MYL6B: variants seen among roughly 807,000 people sequenced by gnomAD.
MYL6B encodes myosin alkali light chain 1 slow a.
MYL6B carries 19 observed loss-of-function variants against 24.5 expected under a neutral mutation model. The ratio of observed to expected loss-of-function variants is 0.78; its 90% CI spans 0.54 to 1.14. MYL6B has a LOEUF of 1.14. Ranked by LOEUF, MYL6B falls within the 50% of genes most tolerant of loss-of-function variation. MYL6B has a pLI of 0.00. For synonymous variants in MYL6B, 90 were observed against 100.7 expected (o/e 0.89, Z 0.64); for missense variants, 230 against 263.8 (o/e 0.87, Z 0.89).
At position 56,155,325 on chromosome 12, in the gene MYL6B, ATG is replaced by A. The variant is rs1357454276; in HGVS notation, c.347-93_347-92del. 5.7e-6 allele frequency: 9 copies of A among 1,585,564 alleles called. No individual in the cohort carries two copies. In the African/African-American group the frequency reaches 1.2e-4, roughly 21 times the overall value. Reference sequence around the variant, plus strand: ...ACACAGAAGCAGGAAAATATCCTAAATGCTGAATAGGATGAAAGCATTGTGGT... The same window carrying A: ...ACACAGAAGCAGGAAAATATCCTAAACTGAATAGGATGAAAGCATTGTGGT... On this transcript the variant is annotated intron_variant, in intron 4 of 6. Transcript: ENST00000553066.
At chr12:56,153,771 G>C in intron 1 of MYL6B, 102 bp from the exon 2 acceptor site, 2 of 787,422 alleles carry the variant, frequency 2.5e-6, no homozygotes, top group African/African-American at 1.8e-5. Context: ...AGTGAGGGCA[G>C]GCGGTTATAT....
chr12:56,154,510 C>G (rs1385136344), intron 2 of MYL6B, among the ~76,000 whole-genome samples: 2 of 152,156 alleles, frequency 1.3e-5, no homozygotes, highest in African/African-American at 4.8e-5. Context: ...CAGCTGGGGG[C>G]CAGGGGTAAA....
chr12:56,155,476 C>T (rs1871272477), exon 5 of MYL6B: 2 of 1,614,090 alleles, frequency 1.2e-6, no homozygotes, highest in East Asian at 4.5e-5. Flanking sequence ...CAGGCAGTGG[C>T]CAAGAACCGA....
chr12:56,157,811 A>T, exon 7 of MYL6B: 1 of 1,530,810 alleles, frequency 6.5e-7, no homozygotes, highest in Non-Finnish European at 8.9e-7. Context: ...ATAGAAAAGC[A>T]GCGGAGTTCA....
At chr12:56,155,986 T>C in intron 5 of MYL6B, 3 of 1,169,642 alleles carry the variant, frequency 2.6e-6, no homozygotes, top group Non-Finnish European at 3.2e-6. Context: ...ACTGAGGCTA[T>C]GGGAGAAGAA....
At chr12:56,157,891 G>A in exon 7 of MYL6B, 1 of 755,772 alleles carries the variant, frequency 1.3e-6, no homozygotes, top group East Asian at 2.7e-5. Context: ...GATCCAGTGG[G>A]GTCCGGACAC....
chr12:56,154,600 A>T (rs1358302367), intron 2 of MYL6B, among the ~76,000 whole-genome samples: 1 of 152,196 alleles, frequency 6.6e-6, no homozygotes, highest in East Asian at 1.9e-4. Context: ...GTGGCATGGG[A>T]TTAACCCTGT....
At chr12:56,155,534 C>T in exon 5 of MYL6B, 2 of 1,613,752 alleles carry the variant, frequency 1.2e-6, no homozygotes, top group Non-Finnish European at 1.7e-6. Context: ...GTGTGTTTGA[C>T]AAGGAGGGGA....
chr12:56,157,810 C>A, exon 7 of MYL6B: 4 of 1,526,968 alleles, frequency 2.6e-6, no homozygotes, highest in African/African-American at 1.4e-5. Flanking sequence ...CATAGAAAAG[C>A]AGCGGAGTTC....
chr12:56,157,454 T>G lies in MYL6B; in HGVS notation c.521-14T>G, dbSNP rs1565882021. On this transcript the variant is annotated splice_polypyrimidine_tract_variant and intron_variant, in intron 5 of 6. Transcript: ENST00000553066. ...AGGGAAAGGAGGGCCTCAGACGTTG[T>G]GTCTGGGATTCAGGAGAGAAGATGA... 1 of 1,612,234 alleles carries G rather than the reference T, an allele frequency of 6.2e-7. No homozygotes were observed. Among genetic ancestry groups the G allele is most frequent in the Non-Finnish European group, 8.5e-7 (1 of 1,178,970 alleles).
At position 56,155,407 on chromosome 12, in the gene MYL6B, TC is replaced by T; in HGVS notation, c.347-10del. The stretch of plus-strand genomic sequence containing the variant: ...TACAATGACCTCTCCTTTACCTCTC[TC>T]CAACCTCCAGAGCTGAAGTCGCGGC... On this transcript the variant is annotated splice_polypyrimidine_tract_variant and intron_variant, in intron 4 of 6. Coordinates refer to ENST00000553066, the Ensembl canonical transcript of MYL6B. 6.2e-7 allele frequency: 1 copy of T among 1,614,194 alleles called. No homozygotes were observed. Among genetic ancestry groups the T allele is most frequent in the Non-Finnish European group, 8.5e-7 (1 of 1,180,036 alleles).
intron 5 of MYL6B, chr12:56,155,936 A>G (rs954591220): frequency 1.7e-5 from 20 of 1,199,306 alleles, no homozygotes; most frequent in Non-Finnish European, 2.1e-5. Context: ...TGAAATGGAA[A>G]GCAAGAGGCA....
exon 2 of MYL6B, chr12:56,153,920 T>C: frequency 6.2e-7 from 1 of 1,610,340 alleles, no homozygotes; most frequent in Non-Finnish European, 8.5e-7. Context: ...CCGGACATCA[T>C]GCCTCCCAAG....
chr12:56,154,934 C>T, intron 3 of MYL6B, 94 bp downstream of exon 3: 1 of 1,567,072 alleles, frequency 6.4e-7, no homozygotes, highest in Non-Finnish European at 8.7e-7. Flanking sequence ...GACCTTGAAA[C>T]CTCCCATACT....
intron 2 of MYL6B, among the ~76,000 whole-genome samples, chr12:56,154,496 A>G (rs565016546): frequency 6.6e-6 from 1 of 152,328 alleles, no homozygotes; most frequent in African/African-American, 2.4e-5. Flanking sequence ...TTGTTAGACA[A>G]TCACAGCTGG....
exon 1 of MYL6B, chr12:56,152,624 C>T (rs1284739218): frequency 6.6e-6 from 1 of 152,176 alleles, no homozygotes; most frequent in Non-Finnish European, 1.5e-5. Flanking sequence ...AGACACGGAC[C>T]CCGCAGGGTG....
At chr12:56,155,613 C>CA in intron 5 of MYL6B, 21 bp downstream of exon 5, 2 of 1,610,630 alleles carry the variant, frequency 1.2e-6, no homozygotes, top group Non-Finnish European at 1.7e-6. Flanking sequence ...CAAGGGGGAC[C>CA]AGAACTCCTT....
chr12:56,153,552 A>C, intron 1 of MYL6B: 1 of 906,714 alleles, frequency 1.1e-6, no homozygotes, highest in African/African-American at 1.8e-5. Context: ...CTGCTGGATC[A>C]CCTGCTTTGC....
exon 5 of MYL6B, chr12:56,155,532 G>C (rs1871275270): frequency 6.2e-7 from 1 of 1,613,922 alleles, no homozygotes; most frequent in African/African-American, 1.3e-5. Flanking sequence ...TCGTGTGTTT[G>C]ACAAGGAGGG....
Sources: allele counts gnomAD v4.1 joint callset (sites outside exome capture counted in the v4.1 genomes callset), GRCh38; gene constraint gnomAD v4.1.1; transcripts MANE v1.5; gene names NCBI Gene and HGNC (gene_info 2026-07-23, HGNC 2026-07-21).